Variants in ARIH1 observed in about 807,000 individuals in gnomAD.
ARIH1 encodes the protein E3 ubiquitin-protein ligase ARIH1.
A neutral mutation model predicts 85.0 loss-of-function variants in ARIH1; 8 were observed. That is an observed-to-expected ratio of 0.09 (90% CI 0.06 to 0.17). The LOEUF (loss-of-function observed/expected upper bound fraction) is 0.17. ARIH1 is among the 10% of genes least tolerant of loss of function. ARIH1 has a pLI of 1.00. For missense variants in ARIH1, 311 were observed against 718.1 expected, an observed-to-expected ratio of 0.43 and a Z score of 6.48; for synonymous variants, 238 against 253.6, an observed-to-expected ratio of 0.94 and a Z score of 0.59.
At chr15:72,497,794 T>C (rs2063885857) in intron 1 of ARIH1, among the ~76,000 whole-genome samples, 1 of 152,216 alleles carries the variant, frequency 6.6e-6, no homozygotes, top group African/African-American at 2.4e-5. Flanking sequence ...GTATTTGTTC[T>C]TCAGTGAAGA....
intron 2 of ARIH1, among the ~76,000 whole-genome samples, chr15:72,541,481 T>G (rs60786061): frequency 6.6e-6 from 1 of 152,162 alleles, no homozygotes; most frequent in Non-Finnish European, 1.5e-5. Context: ...ATTCTTTCAG[T>G]CAGTTTACTC....
At chr15:72,555,697 C>G in intron 4 of ARIH1, among the ~76,000 whole-genome samples, 155 bp from the exon 5 acceptor site, 1 of 152,182 alleles carries the variant, frequency 6.6e-6, no homozygotes, top group East Asian at 1.9e-4. Flanking sequence ...TGGTGATAAA[C>G]ATACTCTCAC....
intron 1 of ARIH1, among the ~76,000 whole-genome samples, chr15:72,504,148 G>C (rs1265079155): frequency 1.3e-5 from 2 of 152,182 alleles, no homozygotes; most frequent in Non-Finnish European, 2.9e-5. Flanking sequence ...TCTGCCTCCT[G>C]GGTTCAAGCG....
intron 2 of ARIH1, among the ~76,000 whole-genome samples, chr15:72,526,506 G>A (rs1159749106): frequency 1.3e-5 from 2 of 152,132 alleles, no homozygotes; most frequent in Non-Finnish European, 2.9e-5. Context: ...TAGGTTGGAG[G>A]GTCACTTGAA....
In ARIH1 at chr15:72,601,445, G is replaced by A. The variant is rs1485784642; in HGVS notation, c.*18153G>A. On this transcript the variant is annotated 3_prime_UTR_variant, in exon 14 of 14. Coordinates refer to ENST00000379887, the MANE Select transcript of ARIH1 (RefSeq NM_005744.5). ...GTTACCTTTTTCTCTTTTCACACTG[G>A]TCTTCATTCTGTGCTGCAAACTGGC... 1 of 152,000 alleles carries A rather than the reference G, an allele frequency of 6.6e-6. No homozygotes were observed. Among genetic ancestry groups the A allele is most frequent in the Non-Finnish European group, 1.5e-5 (1 of 68,038 alleles). The allele number at this position is 152,000 out of a possible 1,614,324, so 9.4% of individuals were successfully genotyped here.
chr15:72,491,120 A>G (rs1309175573), intron 1 of ARIH1, among the ~76,000 whole-genome samples: 1 of 152,140 alleles, frequency 6.6e-6, no homozygotes, highest in Admixed American at 6.5e-5. Context: ...TTGTCTCGAA[A>G]AAAATAAAAA....
At chr15:72,570,025 A>G (rs915670340) in intron 9 of ARIH1, 152 bp from the exon 10 acceptor site, 2 of 733,212 alleles carry the variant, frequency 2.7e-6, no homozygotes, top group African/African-American at 3.6e-5. Flanking sequence ...AATAGTGCTT[A>G]AGTGTTCAAC....
chr15:72,547,958 ATGACT>A lies in ARIH1; in HGVS notation c.588+2998_588+3002del, dbSNP rs1243046666. On this transcript the variant is annotated intron_variant, in intron 3 of 13. Coordinates refer to ENST00000379887, the MANE Select transcript of ARIH1 (RefSeq NM_005744.5). ...TCTCAACAAACTAGAATTCAAAATCATGACTTGAGATTTACAGTGTAAATTTTTGT... is the reference window on the plus strand; with the variant it reads ...TCTCAACAAACTAGAATTCAAAATCATGAGATTTACAGTGTAAATTTTTGT... Among the ~76,000 whole-genome samples, 6 of 152,352 alleles carry A rather than the reference ATGACT, an allele frequency of 3.9e-5. No homozygotes were observed. The East Asian group carries it at 7.7e-4, about 20-fold the overall frequency.
chr15:72,525,347 G>A (rs1035002801), intron 2 of ARIH1, among the ~76,000 whole-genome samples: 11 of 152,128 alleles, frequency 7.2e-5, no homozygotes, highest in African/African-American at 2.2e-4. Flanking sequence ...GTATTAACTC[G>A]TGATTTAGTG....
chr15:72,566,788 A>G (rs1342469224), intron 8 of ARIH1, among the ~76,000 whole-genome samples, 183 bp downstream of exon 8: 2 of 151,966 alleles, frequency 1.3e-5, no homozygotes, highest in African/African-American at 4.8e-5. Context: ...TCAGCTCCTG[A>G]TTGTTATTAG....
chr15:72,579,729 C>T (rs1368375082), intron 11 of ARIH1, among the ~76,000 whole-genome samples: 1 of 152,080 alleles, frequency 6.6e-6, no homozygotes, highest in Non-Finnish European at 1.5e-5. Context: ...TATTAAATAA[C>T]AAAAGTAGCA....
At chr15:72,541,568 T>A (rs2064107661) in intron 2 of ARIH1, among the ~76,000 whole-genome samples, 1 of 151,932 alleles carries the variant, frequency 6.6e-6, no homozygotes, top group Non-Finnish European at 1.5e-5. Flanking sequence ...AAAAAACAAA[T>A]ATGGAAGAAC....
intron 2 of ARIH1, among the ~76,000 whole-genome samples, chr15:72,535,939 G>A (rs1159618231): frequency 2.0e-5 from 3 of 152,176 alleles, no homozygotes; most frequent in Non-Finnish European, 4.4e-5. Context: ...CTGGGAGTGC[G>A]GGGGTGGGGC....
At chr15:72,544,081 A>G (rs1044518149) in intron 2 of ARIH1, among the ~76,000 whole-genome samples, 2 of 152,138 alleles carry the variant, frequency 1.3e-5, no homozygotes, top group African/African-American at 4.8e-5. Flanking sequence ...TGTCTTAGAT[A>G]TGGAACTACT....
intron 2 of ARIH1, among the ~76,000 whole-genome samples, chr15:72,523,986 G>T (rs1424307688): frequency 3.1e-5 from 3 of 97,672 alleles, no homozygotes; most frequent in African/African-American, 4.1e-5. Context: ...TCGCTCTTTT[G>T]CCCAGGCTGG....
intron 1 of ARIH1, among the ~76,000 whole-genome samples, chr15:72,502,004 T>C (rs1056811308): frequency 4.6e-5 from 7 of 152,192 alleles, no homozygotes; most frequent in African/African-American, 1.7e-4. Context: ...GTTATATATA[T>C]TAGAAGTGAC....
At chr15:72,557,776 T>G (rs1259417658) in intron 5 of ARIH1, among the ~76,000 whole-genome samples, 4 of 152,210 alleles carry the variant, frequency 2.6e-5, no homozygotes, top group Non-Finnish European at 5.9e-5. Context: ...GGCTAGCTAG[T>G]TATCCCAACA....
In ARIH1 at chr15:72,582,329, G is replaced by A. The variant is rs2140440785; in HGVS notation, c.1589+142G>A. The A allele has an allele frequency of 1.6e-6, 1 of 608,066 alleles. No individual in the cohort carries two copies. Among genetic ancestry groups the A allele is most frequent in the East Asian group, 2.8e-5 (1 of 35,126 alleles). The allele number at this position is 608,066 out of a possible 1,614,324, so 37.7% of individuals were successfully genotyped here. ...TTCTCACAGATTGCTTCTGTCCGTTGGGCACTAAATTGCAGGTAATAGTAT... is the reference window on the plus strand; with the variant it reads ...TTCTCACAGATTGCTTCTGTCCGTTAGGCACTAAATTGCAGGTAATAGTAT... On this transcript the variant is annotated intron_variant, in intron 13 of 13. Coordinates refer to ENST00000379887, the MANE Select transcript of ARIH1 (RefSeq NM_005744.5). This position sits in a 1 kb window ranked among gnomAD's most constrained non-coding sequence, Gnocchi z 4.6.
At chr15:72,581,734 G>A (rs1050307611) in intron 12 of ARIH1, 6 of 180,168 alleles carry the variant, frequency 3.3e-5, no homozygotes, top group African/African-American at 1.4e-4. Flanking sequence ...GCAATAATAG[G>A]TTTCTATTTT....
Sources: allele counts gnomAD v4.1 joint callset (sites outside exome capture counted in the v4.1 genomes callset), GRCh38; gene constraint gnomAD v4.1.1; non-coding constraint Gnocchi (gnomAD v3.1); transcripts MANE v1.5; gene names NCBI Gene and HGNC (gene_info 2026-07-23, HGNC 2026-07-21).